Variants in GALNTL6 observed in about 807,000 individuals in gnomAD.
GALNTL6 encodes polypeptide N-acetylgalactosaminyltransferase-like 6.
In GALNTL6, 46 loss-of-function variants were observed where a neutral mutation model predicts 73.7. The ratio of observed to expected loss-of-function variants is 0.62; its 90% CI spans 0.49 to 0.80. The LOEUF (loss-of-function observed/expected upper bound fraction) is 0.80, where lower values mean the gene tolerates loss of function less well. Among genes scored for constraint, GALNTL6 ranks in the 30% least tolerant of loss-of-function variants. The pLI is 0.00. For synonymous variants in GALNTL6, 259 were observed against 263.7 expected (o/e 0.98, Z 0.17); for missense variants, 604 against 755.0 (o/e 0.80, Z 2.34).
rs115022899 is a variant in GALNTL6, at chr4:172,499,227, G to A, written c.553+150538G>A. Among the ~76,000 whole-genome samples, 837 of 152,310 alleles carry A rather than the reference G, an allele frequency of 5.5e-3. 10 individuals carry two copies. Among genetic ancestry groups the A allele is most frequent in the African/African-American group, 0.019 (798 of 41,570 alleles). On this transcript the variant is annotated intron_variant, in intron 5 of 12. Coordinates refer to ENST00000506823, the MANE Select transcript of GALNTL6 (RefSeq NM_001034845.3). Reference sequence around the variant, plus strand: ...AATCCCTATGGTGATGATGGCAACTGGAGGTGGTGCTTTGGGGAGGTAATT... The same window carrying A: ...AATCCCTATGGTGATGATGGCAACTAGAGGTGGTGCTTTGGGGAGGTAATT...
At chr4:172,391,658 G>A (rs1016556857) in intron 5 of GALNTL6, among the ~76,000 whole-genome samples, 2 of 151,642 alleles carry the variant, frequency 1.3e-5, no homozygotes, top group African/African-American at 4.9e-5. Flanking sequence ...TCTAACCATA[G>A]CAGCAACTAA....
intron 5 of GALNTL6, among the ~76,000 whole-genome samples, chr4:172,777,785 A>G (rs1579468577): frequency 6.6e-6 from 1 of 152,088 alleles, no homozygotes; most frequent in South Asian, 2.1e-4. Flanking sequence ...TAACATATCT[A>G]TTTACAAATG....
At chr4:172,722,668 C>A (rs1735552803) in intron 5 of GALNTL6, among the ~76,000 whole-genome samples, 1 of 152,102 alleles carries the variant, frequency 6.6e-6, no homozygotes, top group Non-Finnish European at 1.5e-5. Flanking sequence ...ATGTACCATA[C>A]CATAAGTGAA....
At chr4:172,161,597 A>G (rs1013243120) in intron 2 of GALNTL6, among the ~76,000 whole-genome samples, 11 of 152,128 alleles carry the variant, frequency 7.2e-5, no homozygotes, top group Admixed American at 3.3e-4. Context: ...AGAAAAGTAT[A>G]TAATAGGAAG....
chr4:172,813,743 G>A lies in GALNTL6; in HGVS notation c.923+20G>A, dbSNP rs762124357. ...TTTTGAGTGAGTAGCAGCCAAGGGA[G>A]GGGCCGAGGGGGTGAGGGCAGGTAA... On this transcript the variant is annotated intron_variant, in intron 7 of 12. Coordinates refer to ENST00000506823, the MANE Select transcript of GALNTL6 (RefSeq NM_001034845.3). 3 of 1,574,462 alleles carry A rather than the reference G, an allele frequency of 1.9e-6. No homozygotes were observed. The highest frequency in any genetic ancestry group is 2.7e-5 in the African/African-American group (2 of 74,370).
chr4:172,953,679 G>A (rs1207901231), intron 10 of GALNTL6, among the ~76,000 whole-genome samples: 2 of 152,160 alleles, frequency 1.3e-5, no homozygotes, highest in Non-Finnish European at 2.9e-5. Flanking sequence ...CTTCATACCT[G>A]GGACACCCAG....
intron 5 of GALNTL6, among the ~76,000 whole-genome samples, chr4:172,635,202 G>A (rs1174677462): frequency 6.6e-6 from 1 of 151,910 alleles, no homozygotes; most frequent in Non-Finnish European, 1.5e-5. Flanking sequence ...GAAATATCTT[G>A]GATGTTTGAG....
chr4:172,789,051 A>G (rs1214431931), intron 5 of GALNTL6, among the ~76,000 whole-genome samples: 4 of 152,184 alleles, frequency 2.6e-5, no homozygotes, highest in African/African-American at 4.8e-5. Context: ...AGTTTTCCCT[A>G]CACACCAAGT....
chr4:172,785,151 A>G (rs1739584021), intron 5 of GALNTL6, among the ~76,000 whole-genome samples: 2 of 152,196 alleles, frequency 1.3e-5, no homozygotes, highest in South Asian at 4.1e-4. Flanking sequence ...ACAGAAATTG[A>G]TTATATAAAA....
At chr4:171,869,265 A>G (rs113529823) in intron 2 of GALNTL6, among the ~76,000 whole-genome samples, 24 of 152,316 alleles carry the variant, frequency 1.6e-4, no homozygotes, top group African/African-American at 5.8e-4. Flanking sequence ...GGAAAGAATC[A>G]TGTCATACAA....
intron 2 of GALNTL6, among the ~76,000 whole-genome samples, chr4:171,901,180 C>T (rs1436703143): frequency 6.6e-6 from 1 of 152,158 alleles, no homozygotes; most frequent in Non-Finnish European, 1.5e-5. Context: ...ACCAGCAAAT[C>T]CCTGCCCACC....
intron 5 of GALNTL6, among the ~76,000 whole-genome samples, chr4:172,579,968 A>G (rs569221032): frequency 4.1e-4 from 62 of 152,336 alleles, no homozygotes; most frequent in African/African-American, 1.3e-3. Context: ...TTTCTAACTC[A>G]AATTCGTAGA....
At chr4:171,942,761 A>G (rs1738588818) in intron 2 of GALNTL6, among the ~76,000 whole-genome samples, 1 of 152,230 alleles carries the variant, frequency 6.6e-6, no homozygotes. Context: ...CAGACAAGAT[A>G]TAGAATTATA....
chr4:172,025,788 G>GGT (rs1355019449), intron 2 of GALNTL6, among the ~76,000 whole-genome samples: 1,765 of 150,612 alleles, frequency 0.012, 41 homozygotes, highest in African/African-American at 0.037. Flanking sequence ...GCAGGCCTTT[G>GGT]GTGTGTGTGT....
Position 172,609,625 on chromosome 4 carries a change from C to CTCTGTG in GALNTL6, c.554-199735_554-199734insCTGTGT, listed in dbSNP as rs753051714. ...TTTCTCTCTCTCTCTCTCTCTCTCT[C>CTCTGTG]TGTGTGTGTGTGTGTGTGTGTGTGT... On this transcript the variant is annotated intron_variant, in intron 5 of 12. Transcript: ENST00000506823. Among the ~76,000 whole-genome samples, 479 of 92,778 alleles carry CTCTGTG rather than the reference C, an allele frequency of 5.2e-3. 1 individual carries two copies. The highest frequency in any genetic ancestry group is 0.015 in the African/African-American group (322 of 21,870). The allele number at this position is 92,778 out of a possible 152,430, so 60.9% of individuals were successfully genotyped here. A position where few individuals can be genotyped will look rare whatever the true frequency, so the allele number is the denominator to read the frequency against.
chr4:171,908,685 A>T (rs1717835919), intron 2 of GALNTL6, among the ~76,000 whole-genome samples: 1 of 150,914 alleles, frequency 6.6e-6, no homozygotes. Context: ...CTATAAAGAC[A>T]CATGAACACG....
intron 5 of GALNTL6, among the ~76,000 whole-genome samples, chr4:172,627,080 C>T (rs971460290): frequency 6.6e-6 from 1 of 152,030 alleles, no homozygotes; most frequent in Non-Finnish European, 1.5e-5. Context: ...TTCCAGTTCT[C>T]AAGGGGAATG....
intron 12 of GALNTL6, among the ~76,000 whole-genome samples, chr4:173,032,312 G>A (rs185355203): frequency 2.6e-5 from 4 of 152,172 alleles, no homozygotes; most frequent in Non-Finnish European, 5.9e-5. Context: ...TTAGCCGGGC[G>A]TGGTGGCGGA....
chr4:172,267,194 T>A (rs529364698), intron 3 of GALNTL6, among the ~76,000 whole-genome samples: 48 of 152,226 alleles, frequency 3.2e-4, no homozygotes, highest in African/African-American at 1.0e-3. Context: ...TTGTTTAATA[T>A]GATTGATGGT....
Sources: gnomAD v4.1 joint callset for allele counts (sites outside exome capture counted in the v4.1 genomes callset) on GRCh38, gnomAD v4.1.1 for gene constraint, MANE v1.5 for transcripts, NCBI Gene and HGNC (gene_info 2026-07-23, HGNC 2026-07-21) for gene names.